TTLL8: variants seen among roughly 807,000 people sequenced by gnomAD.
The protein encoded by TTLL8 is tubulin tyrosine ligase like 8, also known as protein monoglycylase TTLL8.
A neutral mutation model predicts 77.8 loss-of-function variants in TTLL8; 65 were observed. That is an observed-to-expected ratio of 0.84 (90% CI 0.68 to 1.03). The LOEUF (loss-of-function observed/expected upper bound fraction) is 1.03. TTLL8 is among the 50% of genes least tolerant of loss of function. TTLL8 has a pLI of 0.00. For missense variants in TTLL8, 910 were observed against 1,004.5 expected (o/e 0.91, Z 1.27); for synonymous variants, 402 against 422.8 (o/e 0.95, Z 0.60).
At position 50,032,123 on chromosome 22, in the gene TTLL8, G is replaced by A. The variant is rs570711350; in HGVS notation, c.1284-14C>T. The A allele has an allele frequency of 2.5e-5, 33 of 1,344,476 alleles. No homozygotes were observed. The highest frequency in any genetic ancestry group is 8.1e-5 in the South Asian group (7 of 86,416). 83.3% of individuals were successfully genotyped at this position (1,344,476 alleles called of 1,614,324 possible). A position where few individuals can be genotyped will look rare whatever the true frequency, so the allele number is the denominator to read the frequency against. ...AGGTGGATGGCGCTGCAGGGGGGAC[G>A]AGGGGCAGGTGCTCAGCCTCCCTTG... On this transcript the variant is annotated splice_polypyrimidine_tract_variant and intron_variant, in intron 10 of 13. Transcript: ENST00000266182.
rs896125098 is a variant in TTLL8 at position 50,034,831 on chromosome 22, GAC to G, written c.922-371_922-370del. Among the ~76,000 whole-genome samples the G allele has an allele frequency of 2.0e-5, 3 of 152,184 alleles. No homozygotes were observed. Among genetic ancestry groups the G allele is most frequent in the Non-Finnish European group, 2.9e-5 (2 of 68,024 alleles). On this transcript the variant is annotated intron_variant, in intron 8 of 13. Coordinates refer to ENST00000266182, the Ensembl canonical transcript of TTLL8. The surrounding 1 kb of genome is among the most constrained non-coding windows in gnomAD (Gnocchi z 4.1). ...GATGCAGCCACGCGGAAACGTGGGA[GAC>G]ACAGGCGGGGGCAGACGCAGCCATG...
At chr22:50,046,124 C>T (rs965424269) in intron 4 of TTLL8, among the ~76,000 whole-genome samples, 154 bp from the exon 7 acceptor site, 37 of 152,178 alleles carry the variant, frequency 2.4e-4, no homozygotes, top group African/African-American at 7.7e-4. Flanking sequence ...CCCAGATATA[C>T]GGTCCCCCAG....
chr22:50,041,071 C>G lies in TTLL8; in HGVS notation c.921+116G>C. Reference sequence around the variant, plus strand: ...TGCCAAGCTCTGGGCCTCGGCACACCTCTGCCAGTCACTCGCCAGCTGCCA... The same window carrying G: ...TGCCAAGCTCTGGGCCTCGGCACACGTCTGCCAGTCACTCGCCAGCTGCCA... On this transcript the variant is annotated intron_variant, in intron 8 of 13. Transcript: ENST00000266182. This position sits in a 1 kb window ranked among gnomAD's most constrained non-coding sequence, Gnocchi z 4.3. 5.8e-6 allele frequency: 2 copies of G among 347,112 alleles called. No homozygotes were observed. The highest frequency in any genetic ancestry group is 5.0e-5 in the South Asian group (2 of 40,136). 21.5% of individuals were successfully genotyped at this position (347,112 alleles called of 1,614,324 possible).
chr22:50,044,497 G>A lies in TTLL8; in HGVS notation c.643+758C>T, dbSNP rs946437003. Among the ~76,000 whole-genome samples, 4 of 152,158 alleles carry A rather than the reference G, an allele frequency of 2.6e-5. No homozygotes were observed. The highest frequency in any genetic ancestry group is 7.2e-5 in the African/African-American group (3 of 41,434). ...GCACAAATGAAGCCACCGCTCCAGCGTTCACCAATCAGGATTTATTTCCTC... is the reference window on the plus strand; with the variant it reads ...GCACAAATGAAGCCACCGCTCCAGCATTCACCAATCAGGATTTATTTCCTC... On this transcript the variant is annotated intron_variant, in intron 6 of 13. Transcript: ENST00000266182. The surrounding 1 kb of genome is among the most constrained non-coding windows in gnomAD (Gnocchi z 4.2).
At chr22:50,020,885 G>GACA (rs2061193064) in intron 12 of TTLL8, among the ~76,000 whole-genome samples, 1 of 136,114 alleles carries the variant, frequency 7.3e-6, no homozygotes, top group Non-Finnish European at 1.6e-5. Flanking sequence ...TCCATCTGAC[G>GACA]TGCACTCCTC....
chr22:50,057,846 G>A (rs1388999579), upstream of TTLL8, among the ~76,000 whole-genome samples: 1 of 151,728 alleles, frequency 6.6e-6, no homozygotes, highest in African/African-American at 2.4e-5. Context: ...AGAGGGGAGT[G>A]GACAGCTGTG....
rs1198110822 is a variant in TTLL8, at chr22:50,041,116, C to G, written c.921+71G>C. ...CTGCCAGGAGCTCTGGGCCCAGGCA[C>G]ACCTCTGCCAGTCACTCACCAACAC... On this transcript the variant is annotated intron_variant, in intron 8 of 13. Coordinates refer to ENST00000266182, the Ensembl canonical transcript of TTLL8. The surrounding 1 kb of genome is among the most constrained non-coding windows in gnomAD (Gnocchi z 4.3). The G allele has an allele frequency of 1.1e-5, 4 of 364,288 alleles. No individual in the cohort carries two copies. Among genetic ancestry groups the G allele is most frequent in the African/African-American group, 9.0e-5 (4 of 44,344 alleles). 22.6% of individuals were successfully genotyped at this position (364,288 alleles called of 1,614,324 possible). A position where few individuals can be genotyped will look rare whatever the true frequency, so the allele number is the denominator to read the frequency against.
chr22:50,027,615 G>A, intron 12 of TTLL8: 3 of 985,012 alleles, frequency 3.0e-6, no homozygotes, highest in Non-Finnish European at 3.6e-6. Flanking sequence ...CCAGCAGTTT[G>A]CTGTTCTTAA....
At chr22:50,056,831 G>A (rs1404936496), upstream of TTLL8, 21 of 1,289,658 alleles carry the variant, frequency 1.6e-5, no homozygotes, top group South Asian at 7.4e-5. The surrounding 1 kb of genome is among the most constrained non-coding windows in gnomAD (Gnocchi z 4.1). Flanking sequence ...GGCCACTCTG[G>A]GCGAGTGGCT....
At chr22:50,025,216 C>T (rs530896847) in intron 12 of TTLL8, among the ~76,000 whole-genome samples, 79 of 148,000 alleles carry the variant, frequency 5.3e-4, no homozygotes, top group Non-Finnish European at 9.5e-4. Flanking sequence ...TCACGTAACC[C>T]ACAAATATAT....
exon 10 of TTLL8, chr22:50,033,407 G>C (rs1251397183): frequency 1.5e-6 from 2 of 1,365,196 alleles, no homozygotes; most frequent in Non-Finnish European, 2.0e-6. Flanking sequence ...GCAGCTGCCA[G>C]CTCCAGGATC....
Position 50,052,117 on chromosome 22 carries a change from C to T in TTLL8, c.52-1870G>A, listed in dbSNP as rs368327355. ...CGAGACATCTGGTTGGTCCCAGCAC[C>T]GCTCTGGGCCGCTGTCTACTCCGAT... On this transcript the variant is annotated intron_variant, in intron 1 of 13. Transcript: ENST00000266182. Among the ~76,000 whole-genome samples the T allele has an allele frequency of 1.3e-4, 20 of 152,220 alleles. No homozygotes were observed. In the East Asian group the frequency reaches 1.5e-3, roughly 12 times the overall value.
intron 3 of TTLL8, among the ~76,000 whole-genome samples, chr22:50,048,944 C>T (rs1030215746): frequency 4.6e-5 from 7 of 152,240 alleles, no homozygotes; most frequent in Non-Finnish European, 8.8e-5. Context: ...TGTCCGAGCC[C>T]TGCCGGGCCT....
chr22:50,030,217 C>T (rs930211185), intron 12 of TTLL8: 9 of 985,252 alleles, frequency 9.1e-6, no homozygotes, highest in African/African-American at 8.7e-5. Flanking sequence ...CACTCCCACG[C>T]CCCCCACCCC....
Position 50,041,628 on chromosome 22 carries a change from G to A in TTLL8, c.823C>T (p.Leu275Phe), listed in dbSNP as rs766671423. The change falls in exon 7 of 14, where the codon CTC becomes TTC. Residue 275 changes from leucine to phenylalanine, a missense_variant. This residue lies in a region of TTLL8 where 776 missense variants were observed against 926.1 expected (regional missense o/e 0.84). Coordinates refer to ENST00000266182, the Ensembl canonical transcript of TTLL8. The surrounding 1 kb of genome is among the most constrained non-coding windows in gnomAD (Gnocchi z 4.3). The stretch of plus-strand genomic sequence containing the variant: ...GGCCTGCGTAAGTCTTACTGAACGA[G>A]GGAGTAGTACTGCTGGGTCAGGTCC... 3 of 1,356,992 alleles carry A rather than the reference G, an allele frequency of 2.2e-6. No homozygotes were observed. In the Admixed American group the frequency reaches 6.0e-5, roughly 27 times the overall value. 84.1% of individuals were successfully genotyped at this position (1,356,992 alleles called of 1,614,324 possible).
chr22:50,045,264 T>A (rs1233040651), exon 6 of TTLL8: 1 of 1,355,996 alleles, frequency 7.4e-7, no homozygotes, highest in Admixed American at 1.9e-5. Context: ...CCTTGCCTGC[T>A]GCTCAGGTCG....
intron 5 of TTLL8, 26 bp downstream of exon 7, chr22:50,045,830 G>C (rs1456100652): frequency 5.3e-6 from 7 of 1,316,074 alleles, no homozygotes; most frequent in Non-Finnish European, 7.0e-6. Context: ...GACAGCACTG[G>C]GGCCCTCTGC....
rs369371275 is a variant in TTLL8, at chr22:50,034,307, G to C, written c.1039+38C>G. 7.5e-7 allele frequency: 1 copy of C among 1,340,398 alleles called. No homozygotes were observed. Among genetic ancestry groups the C allele is most frequent in the African/African-American group, 1.5e-5 (1 of 67,160 alleles). The allele number at this position is 1,340,398 out of a possible 1,614,324, so 83.0% of individuals were successfully genotyped here. On this transcript the variant is annotated intron_variant, in intron 9 of 13. Transcript: ENST00000266182. This position sits in a 1 kb window ranked among gnomAD's most constrained non-coding sequence, Gnocchi z 4.1. ...ACGGCTCCTGGCATCAAGTGTGGCC[G>C]TTGGTGGCTATGAACGCGGTGCAGG... is the stretch of plus-strand genomic sequence containing the variant.
chr22:50,050,238 T>C (rs770392716), exon 2 of TTLL8: 2 of 1,330,202 alleles, frequency 1.5e-6, no homozygotes, highest in Non-Finnish European at 2.0e-6. Flanking sequence ...ATAGAGAAAA[T>C]CTTCTTCTCC....
Sources: gnomAD v4.1 joint callset for allele counts (sites outside exome capture counted in the v4.1 genomes callset) on GRCh38, gnomAD v4.1.1 for gene constraint, gnomAD v4.1.1 regional missense constraint, Gnocchi (gnomAD v3.1) non-coding constraint, MANE v1.5 for transcripts, NCBI Gene and HGNC (gene_info 2026-07-23, HGNC 2026-07-21) for gene names.